Variants in NDUFAF2 observed in about 807,000 individuals in gnomAD.
NDUFAF2 encodes the protein NADH:ubiquinone oxidoreductase complex assembly factor 2, also known as NADH dehydrogenase [ubiquinone] 1 alpha subcomplex assembly factor 2.
NDUFAF2 carries 13 observed loss-of-function variants against 22.8 expected under a neutral mutation model. That is an observed-to-expected ratio of 0.57 (90% CI 0.37 to 0.91). The LOEUF (loss-of-function observed/expected upper bound fraction) is 0.91, where lower values mean the gene tolerates loss of function less well. Among genes scored for constraint, NDUFAF2 ranks in the 40% least tolerant of loss-of-function variants. The probability of loss-of-function intolerance (pLI) is 0.01; values close to 1 mark genes in which losing one functional copy is unlikely to be tolerated. For synonymous variants in NDUFAF2, 53 were observed against 64.2 expected, an observed-to-expected ratio of 0.83 and a Z score of 0.84; for missense variants, 162 against 195.2, an observed-to-expected ratio of 0.83 and a Z score of 1.01.
chr5:61,113,827 T>C (rs369675043), intron 3 of NDUFAF2, among the ~76,000 whole-genome samples: 1 of 143,804 alleles, frequency 7.0e-6, no homozygotes, highest in Admixed American at 7.1e-5. Flanking sequence ...TTTTTTTTTT[T>C]CCCTTCAGTA....
intron 1 of NDUFAF2, among the ~76,000 whole-genome samples, chr5:60,950,560 G>C (rs1392430958): frequency 1.3e-5 from 2 of 150,566 alleles, no homozygotes; most frequent in African/African-American, 4.9e-5. Flanking sequence ...AAAGTTCCCT[G>C]TCTGTACCTC....
chr5:60,968,865 C>T (rs1420260475), intron 1 of NDUFAF2, among the ~76,000 whole-genome samples: 2 of 151,894 alleles, frequency 1.3e-5, no homozygotes, highest in Non-Finnish European at 2.9e-5. Flanking sequence ...CCTCTACTAC[C>T]CTCCCTAGCC....
chr5:61,085,529 A>G (rs895180840), intron 2 of NDUFAF2, among the ~76,000 whole-genome samples: 3 of 152,170 alleles, frequency 2.0e-5, no homozygotes. Context: ...ATTTCACATC[A>G]TCTTGGAAAT....
chr5:61,045,683 C>T (rs991701596), intron 1 of NDUFAF2, among the ~76,000 whole-genome samples: 3 of 96,770 alleles, frequency 3.1e-5, no homozygotes, highest in Admixed American at 2.4e-4. Context: ...TTTTGTATCC[C>T]ACAACTTTAC....
intron 3 of NDUFAF2, among the ~76,000 whole-genome samples, chr5:61,125,002 C>T (rs1753018238): frequency 6.6e-6 from 1 of 151,866 alleles, no homozygotes; most frequent in Non-Finnish European, 1.5e-5. Context: ...TACTTTTAAA[C>T]CACCAGATTT....
chr5:61,100,091 A>G (rs1422581036), intron 3 of NDUFAF2, among the ~76,000 whole-genome samples: 1 of 150,038 alleles, frequency 6.7e-6, no homozygotes, highest in Non-Finnish European at 1.5e-5. Flanking sequence ...CTTCTTTCCA[A>G]CATTGATAAA....
chr5:60,969,080 A>G (rs866141437), intron 1 of NDUFAF2, among the ~76,000 whole-genome samples: 4 of 152,228 alleles, frequency 2.6e-5, no homozygotes, highest in Middle Eastern at 3.4e-3. Flanking sequence ...TCCACTGTGT[A>G]TGTGTACCAC....
intron 1 of NDUFAF2, among the ~76,000 whole-genome samples, chr5:60,951,453 A>G (rs538543806): frequency 3.2e-4 from 48 of 152,352 alleles, no homozygotes; most frequent in African/African-American, 1.1e-3. Flanking sequence ...TAAAGCTGCT[A>G]TAAATATTCC....
chr5:61,038,082 C>CG (rs1561547871), intron 1 of NDUFAF2, among the ~76,000 whole-genome samples: 948 of 6,968 alleles, frequency 0.14, 29 homozygotes, highest in African/African-American at 0.28. Context: ...GGGAGGGAGG[C>CG]GGGGGAAGAG....
chr5:61,041,754 TG>T (rs1751885541), intron 1 of NDUFAF2, among the ~76,000 whole-genome samples: 1 of 152,170 alleles, frequency 6.6e-6, no homozygotes, highest in Non-Finnish European at 1.5e-5. Context: ...AAAGAGTCAT[TG>T]TTCTTAGTTG....
At chr5:61,088,307 G>A (rs1268363812) in intron 2 of NDUFAF2, among the ~76,000 whole-genome samples, 2 of 151,898 alleles carry the variant, frequency 1.3e-5, no homozygotes, top group African/African-American at 4.8e-5. Flanking sequence ...CACCTTTGCC[G>A]TGTTCTTATA....
At chr5:61,054,522 A>T (rs758149944) in intron 1 of NDUFAF2, among the ~76,000 whole-genome samples, 3 of 152,182 alleles carry the variant, frequency 2.0e-5, no homozygotes, top group Non-Finnish European at 4.4e-5. Context: ...ACACCTGGGC[A>T]GTTGACGTCA....
chr5:61,084,689 T>G (rs924017221), intron 2 of NDUFAF2, among the ~76,000 whole-genome samples: 5 of 152,192 alleles, frequency 3.3e-5, no homozygotes, highest in African/African-American at 4.8e-5. Context: ...TATTCCATTG[T>G]ATATAGATAC....
intron 3 of NDUFAF2, among the ~76,000 whole-genome samples, chr5:61,134,412 G>A (rs59030859): frequency 0.047 from 7,093 of 152,244 alleles, 567 homozygotes; most frequent in African/African-American, 0.16. Flanking sequence ...CCCGCCAGGC[G>A]CGGTGGCTCA....
At chr5:61,077,217 A>C (rs890694158) in intron 2 of NDUFAF2, among the ~76,000 whole-genome samples, 33 of 152,216 alleles carry the variant, frequency 2.2e-4, no homozygotes, top group African/African-American at 7.7e-4. Context: ...AAGAGATCAC[A>C]CACAGAATGA....
At chr5:60,966,149 G>C (rs1028523848) in intron 1 of NDUFAF2, among the ~76,000 whole-genome samples, 1 of 152,160 alleles carries the variant, frequency 6.6e-6, no homozygotes, top group Admixed American at 6.5e-5. Flanking sequence ...TCACATGCCT[G>C]ATGGCCATTT....
chr5:60,979,920 A>G (rs1172357991), intron 1 of NDUFAF2, among the ~76,000 whole-genome samples: 1 of 152,166 alleles, frequency 6.6e-6, no homozygotes, highest in Non-Finnish European at 1.5e-5. Context: ...TGGTGACCAC[A>G]GGGATGCTTG....
At chr5:61,017,399 T>C (rs1039168061) in intron 1 of NDUFAF2, among the ~76,000 whole-genome samples, 1 of 149,180 alleles carries the variant, frequency 6.7e-6, no homozygotes, top group African/African-American at 2.5e-5. Context: ...CTTTTTTTTT[T>C]AATTAATTGA....
chr5:61,070,464 A>G (rs1004837988), intron 1 of NDUFAF2, among the ~76,000 whole-genome samples: 2 of 152,118 alleles, frequency 1.3e-5, no homozygotes, highest in Non-Finnish European at 2.9e-5. Context: ...ATAAGCTAAT[A>G]GCTTTATTTT....
Sources: allele counts gnomAD v4.1 joint callset (sites outside exome capture counted in the v4.1 genomes callset), GRCh38; gene constraint gnomAD v4.1.1; transcripts MANE v1.5; gene names NCBI Gene and HGNC (gene_info 2026-07-23, HGNC 2026-07-21).